The following PPP2R3B variants were observed in gnomAD, a reference collection of about 807,000 sequenced individuals.
PPP2R3B encodes the protein protein phosphatase 2 regulatory subunit B''beta.
Under a neutral mutation model 72.9 loss-of-function variants are expected in PPP2R3B, and 68 were observed. The ratio of observed to expected loss-of-function variants is 0.93; its 90% CI spans 0.77 to 1.14. The LOEUF (loss-of-function observed/expected upper bound fraction) is 1.14, where lower values mean the gene tolerates loss of function less well. Among genes scored for constraint, PPP2R3B ranks in the 50% most tolerant of loss-of-function variants. The pLI is 0.00. For missense variants in PPP2R3B, 1,018 were observed against 842.0 expected (o/e 1.21, Z -2.59); for synonymous variants, 466 against 375.8 (o/e 1.24, Z -2.78).
chrX:368,386 G>A (rs1452549510), intron 1 of PPP2R3B, among the ~76,000 whole-genome samples: 1 of 78,946 alleles, frequency 1.3e-5, no homozygotes, highest in Non-Finnish European at 2.5e-5. Flanking sequence ...GGGGAAGGCC[G>A]GGACCACCCA....
In PPP2R3B at chrX:376,526, C is replaced by T. The variant is rs868548307; in HGVS notation, c.324+9842G>A. 7.6e-3 allele frequency among the ~76,000 whole-genome samples: 1,081 copies of T among 142,532 alleles called. 6 individuals are homozygous for T. The highest frequency in any genetic ancestry group is 0.028 in the African/African-American group (1,019 of 36,680). The allele number at this position is 142,532 out of a possible 152,430, so 93.5% of individuals were successfully genotyped here. A position where few individuals can be genotyped will look rare whatever the true frequency, so the allele number is the denominator to read the frequency against. Reference sequence around the variant, plus strand: ...GTCTATACACTACTGTATGCAGGGACGGGCCGTCCACACCCAGTGGGGCCG... The same window carrying T: ...GTCTATACACTACTGTATGCAGGGATGGGCCGTCCACACCCAGTGGGGCCG... On this transcript the variant is annotated intron_variant, in intron 1 of 12. Transcript: ENST00000390665.
chrX:339,192 TACAG>T (rs1454163509), intron 10 of PPP2R3B, among the ~76,000 whole-genome samples: 1 of 148,568 alleles, frequency 6.7e-6, no homozygotes, highest in African/African-American at 2.5e-5. Flanking sequence ...GATCTGAAAT[TACAG>T]AGAACGGAGC....
chrX:338,651 G>T lies in PPP2R3B; in HGVS notation c.1530C>A (p.Tyr510Ter), dbSNP rs778068322. The change falls in exon 12 of 13, where the codon TAC becomes TAA. Residue 510 changes from tyrosine (Y) to a stop codon, truncating the protein, a stop_gained. Coordinates refer to ENST00000390665, the MANE Select transcript of PPP2R3B (RefSeq NM_013239.5). LOFTEE classifies it high-confidence loss of function. Reference sequence around the variant, plus strand: ...CAGTCTCCTCGGCCACCAGGATGTCGTACTCCTCGGCCGCGTACTTCTCCC... The same window carrying T: ...CAGTCTCCTCGGCCACCAGGATGTCTTACTCCTCGGCCGCGTACTTCTCCC... ...SDWEKYAAEE[Y>*]DILVAEETAG... 1 of 1,611,048 alleles carries T rather than the reference G, an allele frequency of 6.2e-7. No homozygotes were observed. The highest frequency in any genetic ancestry group is 1.1e-5 in the South Asian group (1 of 90,950).
At chrX:356,145 T>G (rs28490239) in intron 2 of PPP2R3B, among the ~76,000 whole-genome samples, 3,066 of 152,326 alleles carry the variant, frequency 0.02, 100 homozygotes, top group African/African-American at 0.07. Flanking sequence ...TGTGGCCACG[T>G]GCCCGCAGGG....
chrX:344,200 A>G (rs1158391119), intron 7 of PPP2R3B, among the ~76,000 whole-genome samples: 1 of 84,504 alleles, frequency 1.2e-5, no homozygotes, highest in Non-Finnish European at 2.7e-5. Flanking sequence ...GTGAGACCTC[A>G]GCAACGGGAG....
chrX:347,335 T>A lies in PPP2R3B; in HGVS notation c.616A>T (p.Ile206Phe). Reference sequence around the variant, plus strand: ...GCGTCGTCGTGGCAGTTCTGGAGGATTCTGGAAGGACAGGATGACTGGGCA... The same window carrying A: ...GCGTCGTCGTGGCAGTTCTGGAGGAATCTGGAAGGACAGGATGACTGGGCA... ...VHKFVAMWRKILQNCHDDAAK... is the reference protein window; with the variant it reads ...VHKFVAMWRKFLQNCHDDAAK... The change falls in exon 4 of 13, where the codon ATC (isoleucine) becomes TTC (phenylalanine). Residue 206 changes from isoleucine to phenylalanine, a missense_variant and splice_region_variant. Ile to Phe is a conservative substitution (Grantham distance 21). Transcript: ENST00000390665. 6.2e-7 allele frequency: 1 copy of A among 1,613,556 alleles called. No homozygotes were observed. Among genetic ancestry groups the A allele is most frequent in the Non-Finnish European group, 8.5e-7 (1 of 1,179,650 alleles).
chrX:334,579 C>G (rs181661716), intron 12 of PPP2R3B, 62 bp from the exon 13 acceptor site: 3 of 1,387,358 alleles, frequency 2.2e-6, no homozygotes, highest in Admixed American at 3.2e-5. Flanking sequence ...GGCCGTTTTC[C>G]GGGAAACACA....
Position 338,610 on chromosome X carries a change from T to A in PPP2R3B, c.1571A>T (p.Glu524Val). Residue 524 changes from glutamate (E) to valine (V), a missense_variant, in exon 12 of 13, where the codon GAG (glutamate) becomes GTG (valine). Coordinates refer to ENST00000390665, the MANE Select transcript of PPP2R3B (RefSeq NM_013239.5). ...VAEETAGEPWEDGFEAELSPV... is the reference protein window; with the variant it reads ...VAEETAGEPWVDGFEAELSPV... ...ACCCGTCCTCCCCACTCACCCGTCC[T>A]CCCAGGGCTCTCCCGCAGTCTCCTC... 6.2e-7 allele frequency: 1 copy of A among 1,604,652 alleles called. No homozygotes were observed. The highest frequency in any genetic ancestry group is 2.2e-5 in the East Asian group (1 of 44,568).
chrX:374,557 G>T (rs1005909047), intron 1 of PPP2R3B, among the ~76,000 whole-genome samples: 1 of 152,144 alleles, frequency 6.6e-6, no homozygotes, highest in African/African-American at 2.4e-5. Flanking sequence ...TTAAATGAGG[G>T]TGAGCTGACA....
Position 386,647 on chromosome X carries a change from C to A in PPP2R3B, c.45G>T (p.Val15=). Residue 15 remains valine (V), a synonymous_variant, in exon 1 of 13, where the codon GTG becomes GTT. Transcript: ENST00000390665. ...KVLQPVLKMK[V]DELFLYWLSE... ...TGAGCCAGTACAGGAACAGCTCGTC[C>A]ACCTTCATCTTCAGGACCGGCTGCA... 7.0e-7 allele frequency: 1 copy of A among 1,419,242 alleles called. No individual in the cohort carries two copies. The highest frequency in any genetic ancestry group is 2.5e-5 in the Admixed American group (1 of 39,712). 87.9% of individuals were successfully genotyped at this position (1,419,242 alleles called of 1,614,324 possible).
At chrX:359,516 T>C (rs2071500838) in intron 2 of PPP2R3B, among the ~76,000 whole-genome samples, 1 of 152,254 alleles carries the variant, frequency 6.6e-6, no homozygotes, top group African/African-American at 2.4e-5. Flanking sequence ...ACTACATGTT[T>C]GCAACCGACT....
chrX:336,846 C>G (rs193035131), intron 12 of PPP2R3B: 1 of 151,080 alleles, frequency 6.6e-6, no homozygotes, highest in Non-Finnish European at 1.5e-5. Flanking sequence ...AAAATCCTGC[C>G]GAGAGACACG....
intron 2 of PPP2R3B, among the ~76,000 whole-genome samples, chrX:348,836 A>G (rs2071274925): frequency 1.3e-5 from 2 of 151,992 alleles, no homozygotes; most frequent in Non-Finnish European, 2.9e-5. Context: ...TCGACCAAAC[A>G]TTGAAGGAAG....
intron 1 of PPP2R3B, among the ~76,000 whole-genome samples, chrX:383,535 T>G (rs1277683290): frequency 6.6e-6 from 1 of 152,108 alleles, no homozygotes; most frequent in East Asian, 1.9e-4. Flanking sequence ...ACAGAAAGCA[T>G]TTTTAAAAAT....
chrX:373,004 T>C (rs1434737267), intron 1 of PPP2R3B, among the ~76,000 whole-genome samples: 1 of 152,196 alleles, frequency 6.6e-6, no homozygotes. Context: ...TAGTCCGGTA[T>C]GTGAGTGATA....
At chrX:384,097 C>T (rs1171810124) in intron 1 of PPP2R3B, among the ~76,000 whole-genome samples, 1 of 151,854 alleles carries the variant, frequency 6.6e-6, no homozygotes, top group African/African-American at 2.4e-5. Context: ...AACTACAGTT[C>T]CAACTGCCAA....
rs1338010958 is a variant in PPP2R3B, at chrX:341,069, A to G, written c.1176-129T>C. 2.2e-5 allele frequency: 29 copies of G among 1,332,442 alleles called. No individual in the cohort carries two copies. In the East Asian group the frequency reaches 6.5e-4, roughly 30 times the overall value. The allele number at this position is 1,332,442 out of a possible 1,614,324, so 82.5% of individuals were successfully genotyped here. ...GCCTTGCAGCCCCCACCGGGCGTGC[A>G]GGCATCCCCTGCCCCCTGCCGCCCC... On this transcript the variant is annotated intron_variant, in intron 9 of 12. Coordinates refer to ENST00000390665, the MANE Select transcript of PPP2R3B (RefSeq NM_013239.5).
intron 1 of PPP2R3B, among the ~76,000 whole-genome samples, chrX:369,641 C>T (rs960254691): frequency 1.1e-4 from 17 of 152,204 alleles, no homozygotes; most frequent in Admixed American, 3.3e-4. Context: ...CATCCTCTCG[C>T]GACACCAGCC....
chrX:380,645 C>T (rs1167494674), intron 1 of PPP2R3B, among the ~76,000 whole-genome samples: 4 of 151,808 alleles, frequency 2.6e-5, no homozygotes, highest in African/African-American at 7.3e-5. Context: ...ACTAGCCGGG[C>T]GTGGTGGCGG....
Sources: gnomAD v4.1 joint callset for allele counts (sites outside exome capture counted in the v4.1 genomes callset) on GRCh38, gnomAD v4.1.1 for gene constraint, MANE v1.5 for transcripts, NCBI Gene and HGNC (gene_info 2026-07-23, HGNC 2026-07-21) for gene names.